RSRC1: variants seen among roughly 807,000 people sequenced by gnomAD.
RSRC1 encodes the protein arginine and serine rich coiled-coil 1, also known as serine/Arginine-related protein 53.
RSRC1 carries 39 observed loss-of-function variants against 49.1 expected under a neutral mutation model. The observed-to-expected ratio is 0.79, with a 90% CI of 0.61 to 1.04. The LOEUF (loss-of-function observed/expected upper bound fraction) is 1.04, where lower values mean the gene tolerates loss of function less well. RSRC1 is among the 50% of genes least tolerant of loss of function. The pLI, the probability that RSRC1 is intolerant of heterozygous loss-of-function variation, is 0.00. For missense variants in RSRC1, 388 were observed against 402.4 expected (o/e 0.96, Z 0.31); for synonymous variants, 143 against 130.8 (o/e 1.09, Z -0.63).
At chr3:158,144,777 C>A (rs938570294) in intron 3 of RSRC1, among the ~76,000 whole-genome samples, 2 of 152,168 alleles carry the variant, frequency 1.3e-5, no homozygotes, top group African/African-American at 4.8e-5. Context: ...CCTATTTCTC[C>A]ACATCCTCTC....
At chr3:158,125,027 C>T (rs965687192) in intron 3 of RSRC1, among the ~76,000 whole-genome samples, 3 of 152,038 alleles carry the variant, frequency 2.0e-5, no homozygotes, top group Non-Finnish European at 2.9e-5. Flanking sequence ...CCATATTGCC[C>T]AGGCTAGTCT....
chr3:158,188,183 T>A (rs528399106), intron 3 of RSRC1, among the ~76,000 whole-genome samples: 1 of 152,016 alleles, frequency 6.6e-6, no homozygotes, highest in Non-Finnish European at 1.5e-5. Flanking sequence ...TAGTGGGAAC[T>A]CTTTCTCCCC....
rs892221087 is a variant in RSRC1 at position 158,123,810 on chromosome 3, T to C, written c.195-56T>C. Reference sequence around the variant, plus strand: ...CTTTAGAATCTAGAAGGTTTTTCCTTAATGCTCATAATAAAAATTTTTATA... The same window carrying C: ...CTTTAGAATCTAGAAGGTTTTTCCTCAATGCTCATAATAAAAATTTTTATA... On this transcript the variant is annotated intron_variant, in intron 2 of 9. Coordinates refer to ENST00000611884, the MANE Select transcript of RSRC1 (RefSeq NM_001271838.2). 2.0e-6 allele frequency: 3 copies of C among 1,521,206 alleles called. No individual in the cohort carries two copies. The African/African-American group carries it at 4.2e-5, about 21-fold the overall frequency. The allele number at this position is 1,521,206 out of a possible 1,614,324, so 94.2% of individuals were successfully genotyped here.
At position 158,303,948 on chromosome 3, in the gene RSRC1, T is replaced by C. The variant is rs575475645; in HGVS notation, c.531+5873T>C. 1.8e-4 allele frequency among the ~76,000 whole-genome samples: 28 copies of C among 152,330 alleles called. No individual in the cohort carries two copies. The East Asian group carries it at 3.1e-3, about 17-fold the overall frequency. The stretch of plus-strand genomic sequence containing the variant: ...AATTAAATGAATGATAATACATCTT[T>C]TAGTGAAAAGAATTACAAGTGTTTA... On this transcript the variant is annotated intron_variant, in intron 5 of 9. Transcript: ENST00000611884.
intron 3 of RSRC1, among the ~76,000 whole-genome samples, chr3:158,179,486 G>T (rs1163408249): frequency 6.6e-6 from 1 of 152,128 alleles, no homozygotes; most frequent in Admixed American, 6.5e-5. Context: ...TTTTTTAAAT[G>T]GAATTGTATA....
At chr3:158,271,299 C>T (rs1325502991) in intron 4 of RSRC1, among the ~76,000 whole-genome samples, 1 of 151,938 alleles carries the variant, frequency 6.6e-6, no homozygotes, top group African/African-American at 2.4e-5. Flanking sequence ...ATATTGTTTC[C>T]TGAATTGAGG....
At chr3:158,543,749 CTTTT>C (rs34676157) in intron 9 of RSRC1, 17 of 259,092 alleles carry the variant, frequency 6.6e-5, no homozygotes, top group South Asian at 2.4e-4. Flanking sequence ...GCATTTTTTC[CTTTT>C]TTTTTTTTTT....
At chr3:158,318,833 T>C (rs1288666164) in intron 5 of RSRC1, among the ~76,000 whole-genome samples, 1 of 152,212 alleles carries the variant, frequency 6.6e-6, no homozygotes. Flanking sequence ...TACTACTGAG[T>C]ATCTTTTTAA....
At chr3:158,254,625 G>A (rs9870885) in intron 4 of RSRC1, among the ~76,000 whole-genome samples, 2,564 of 151,854 alleles carry the variant, frequency 0.017, 67 homozygotes, top group African/African-American at 0.059. Flanking sequence ...GTAGAGATGG[G>A]GTTTCACCAT....
At chr3:158,413,200 C>A (rs1734553820) in intron 6 of RSRC1, among the ~76,000 whole-genome samples, 1 of 152,100 alleles carries the variant, frequency 6.6e-6, no homozygotes, top group Non-Finnish European at 1.5e-5. Context: ...CTGCAACCAT[C>A]TGATCTTCAA....
At chr3:158,339,893 T>C (rs1328376031) in intron 5 of RSRC1, among the ~76,000 whole-genome samples, 2 of 152,180 alleles carry the variant, frequency 1.3e-5, no homozygotes, top group Non-Finnish European at 2.9e-5. Flanking sequence ...GAAATTGTAA[T>C]CATCAGGAAG....
chr3:158,544,369 T>C lies in RSRC1; in HGVS notation c.*94T>C. Reference sequence around the variant, plus strand: ...ATTAACTTTTTACTCTTAAAAAGAATTTTGCTGATTATATATAAAGGTAGT... The same window carrying C: ...ATTAACTTTTTACTCTTAAAAAGAACTTTGCTGATTATATATAAAGGTAGT... On this transcript the variant is annotated 3_prime_UTR_variant, in exon 10 of 10. Coordinates refer to ENST00000611884, the MANE Select transcript of RSRC1 (RefSeq NM_001271838.2). 1.4e-6 allele frequency: 1 copy of C among 729,352 alleles called. No individual in the cohort carries two copies. The highest frequency in any genetic ancestry group is 2.7e-5 in the East Asian group (1 of 37,512). The allele number at this position is 729,352 out of a possible 1,614,324, so 45.2% of individuals were successfully genotyped here. A position where few individuals can be genotyped will look rare whatever the true frequency, so the allele number is the denominator to read the frequency against.
At position 158,117,881 on chromosome 3, in the gene RSRC1, TTTTC is replaced by T. The variant is rs139354874; in HGVS notation, c.-2-4194_-2-4191del. Reference sequence around the variant, plus strand: ...TTCTGTTTGTAAAATGTCTGTCTCTTTTTCTTTCTTTCTTTCTTTCTTTCTTTCT... The same window carrying T: ...TTCTGTTTGTAAAATGTCTGTCTCTTTTTCTTTCTTTCTTTCTTTCTTTCT... On this transcript the variant is annotated intron_variant, in intron 1 of 9. Coordinates refer to ENST00000611884, the MANE Select transcript of RSRC1 (RefSeq NM_001271838.2). Among the ~76,000 whole-genome samples the T allele has an allele frequency of 3.8e-3, 572 of 150,480 alleles. 4 individuals carry two copies. In the East Asian group the frequency reaches 0.044, roughly 11 times the overall value.
chr3:158,230,385 A>T (rs1018087412), intron 4 of RSRC1, among the ~76,000 whole-genome samples: 2 of 152,120 alleles, frequency 1.3e-5, no homozygotes, highest in African/African-American at 4.8e-5. Flanking sequence ...CTAAGCAAAG[A>T]TAATTTTTAT....
chr3:158,501,164 G>C (rs1739573337), intron 7 of RSRC1, among the ~76,000 whole-genome samples: 1 of 152,066 alleles, frequency 6.6e-6, no homozygotes, highest in Non-Finnish European at 1.5e-5. Context: ...GTATTTTCAT[G>C]GTTTTGAAGC....
At chr3:158,237,829 C>T (rs1240106883) in intron 4 of RSRC1, among the ~76,000 whole-genome samples, 1 of 152,134 alleles carries the variant, frequency 6.6e-6, no homozygotes, top group Non-Finnish European at 1.5e-5. Context: ...CTGGCCAGAA[C>T]TTCCAACACT....
At chr3:158,513,669 TG>T (rs1299052241) in intron 7 of RSRC1, among the ~76,000 whole-genome samples, 11 of 152,226 alleles carry the variant, frequency 7.2e-5, no homozygotes, top group Non-Finnish European at 1.6e-4. Context: ...TTCTATTGAT[TG>T]GAATAGTTTC....
intron 5 of RSRC1, among the ~76,000 whole-genome samples, chr3:158,324,856 A>G (rs1161584017): frequency 1.3e-5 from 2 of 152,182 alleles, no homozygotes; most frequent in African/African-American, 4.8e-5. Context: ...CAACAGTGTA[A>G]AAGTGTTCCT....
At chr3:158,175,654 A>G (rs7645383) in intron 3 of RSRC1, among the ~76,000 whole-genome samples, 95,995 of 151,916 alleles carry the variant, frequency 0.63, 30,950 homozygotes, top group East Asian at 0.73. Context: ...CACCAATTCC[A>G]CGTTGCCCTA....
Sources: gnomAD v4.1 joint callset for allele counts (sites outside exome capture counted in the v4.1 genomes callset) on GRCh38, gnomAD v4.1.1 for gene constraint, MANE v1.5 for transcripts, NCBI Gene and HGNC (gene_info 2026-07-23, HGNC 2026-07-21) for gene names.